The following ZFAND3 variants were observed in gnomAD, a reference collection of about 807,000 sequenced individuals.
ZFAND3 encodes AN1-type zinc finger protein 3.
Under a neutral mutation model 29.6 loss-of-function variants are expected in ZFAND3, and 10 were observed. The observed-to-expected ratio is 0.34, with a 90% CI of 0.21 to 0.57. The LOEUF (loss-of-function observed/expected upper bound fraction) is 0.57, where lower values mean the gene tolerates loss of function less well. Among genes scored for constraint, ZFAND3 ranks in the 20% least tolerant of loss-of-function variants. The pLI is 0.86. For missense variants in ZFAND3, 230 were observed against 304.5 expected, an observed-to-expected ratio of 0.76 and a Z score of 1.82; for synonymous variants, 128 against 112.6, an observed-to-expected ratio of 1.14 and a Z score of -0.87.
chr6:37,928,797 C>T (rs1472620898), intron 1 of ZFAND3, among the ~76,000 whole-genome samples: 3 of 152,146 alleles, frequency 2.0e-5, no homozygotes, highest in South Asian at 2.1e-4. Context: ...GGATAACAGG[C>T]GTGAGCCACC....
At chr6:37,856,729 T>A (rs1284849695) in intron 1 of ZFAND3, among the ~76,000 whole-genome samples, 1 of 152,138 alleles carries the variant, frequency 6.6e-6, no homozygotes, top group Admixed American at 6.5e-5. Context: ...ATACAATAAT[T>A]TTGTGAGGAT....
chr6:37,844,617 T>C (rs908791436), intron 1 of ZFAND3, among the ~76,000 whole-genome samples: 1 of 151,956 alleles, frequency 6.6e-6, no homozygotes, highest in Non-Finnish European at 1.5e-5. Flanking sequence ...GTGTTTAGGC[T>C]ATTGGTGTGG....
intron 1 of ZFAND3, among the ~76,000 whole-genome samples, chr6:37,838,936 A>C: frequency 6.6e-6 from 1 of 152,198 alleles, no homozygotes; most frequent in Non-Finnish European, 1.5e-5. Flanking sequence ...TCCCACCAGC[A>C]ATGTATGAAG....
chr6:37,970,671 A>C (rs1410829052), intron 2 of ZFAND3, among the ~76,000 whole-genome samples: 1 of 152,232 alleles, frequency 6.6e-6, no homozygotes, highest in Non-Finnish European at 1.5e-5. Context: ...TGGGAGGCCA[A>C]GATGGGTGGA....
At chr6:38,039,197 T>G (rs1581860873) in intron 2 of ZFAND3, among the ~76,000 whole-genome samples, 2 of 152,344 alleles carry the variant, frequency 1.3e-5, no homozygotes, top group South Asian at 4.1e-4. Flanking sequence ...GTATGTCTTA[T>G]TCCTCTTAAA....
chr6:37,820,636 A>G (rs140784315), intron 1 of ZFAND3, among the ~76,000 whole-genome samples: 54 of 152,232 alleles, frequency 3.5e-4, no homozygotes, highest in African/African-American at 1.3e-3. Flanking sequence ...TTCAGGAGAT[A>G]TGTAAAATTT....
chr6:38,147,379 C>G (rs992086032), intron 5 of ZFAND3, among the ~76,000 whole-genome samples: 5 of 152,154 alleles, frequency 3.3e-5, no homozygotes, highest in African/African-American at 1.2e-4. Context: ...TTTTATTTAT[C>G]CATTCATCCC....
chr6:37,897,299 C>A (rs913462730), intron 1 of ZFAND3, among the ~76,000 whole-genome samples: 1 of 152,266 alleles, frequency 6.6e-6, no homozygotes, highest in Non-Finnish European at 1.5e-5. Flanking sequence ...ATAGGCACTT[C>A]TTCATGTCTG....
rs188913366 is a variant in ZFAND3, at chr6:37,962,770, C to T, written c.112+32771C>T. ...CCTGAGCCAGCAAGGGCAACCCTCTCGGGTCCCCTTCCACGCTGTGGAAGC... is the reference window on the plus strand; with the variant it reads ...CCTGAGCCAGCAAGGGCAACCCTCTTGGGTCCCCTTCCACGCTGTGGAAGC... On this transcript the variant is annotated intron_variant, in intron 2 of 5. Coordinates refer to ENST00000287218, the MANE Select transcript of ZFAND3 (RefSeq NM_021943.3). 2.9e-3 allele frequency among the ~76,000 whole-genome samples: 438 copies of T among 152,292 alleles called. 2 individuals are homozygous for T. The highest frequency in any genetic ancestry group is 9.9e-3 in the African/African-American group (410 of 41,554).
At chr6:38,010,621 A>C in intron 2 of ZFAND3, among the ~76,000 whole-genome samples, 1 of 144,582 alleles carries the variant, frequency 6.9e-6, no homozygotes, top group South Asian at 2.2e-4. Flanking sequence ...TTTTTCCGAG[A>C]CAGGATCTTG....
intron 4 of ZFAND3, among the ~76,000 whole-genome samples, chr6:38,097,790 T>C (rs1420020787): frequency 6.6e-6 from 1 of 150,708 alleles, no homozygotes; most frequent in Non-Finnish European, 1.5e-5. Flanking sequence ...CTTGAGGGAG[T>C]GTAGAGGAAA....
chr6:37,885,218 T>G (rs1430860126), intron 1 of ZFAND3, among the ~76,000 whole-genome samples: 1 of 152,156 alleles, frequency 6.6e-6, no homozygotes, highest in Non-Finnish European at 1.5e-5. Flanking sequence ...ATTGTCAAGT[T>G]GAAGGATACT....
At chr6:37,922,519 A>C (rs980315026) in intron 1 of ZFAND3, among the ~76,000 whole-genome samples, 3 of 152,234 alleles carry the variant, frequency 2.0e-5, no homozygotes, top group African/African-American at 7.2e-5. Flanking sequence ...GAAAATAGTC[A>C]TGCATTGCTT....
chr6:38,082,523 T>TG, intron 4 of ZFAND3, 66 bp downstream of exon 4: 2 of 1,467,032 alleles, frequency 1.4e-6, no homozygotes, highest in Non-Finnish European at 1.9e-6. Flanking sequence ...AGCAACTGGT[T>TG]CTAACTTGGT....
rs1397006406 is a variant in ZFAND3 at position 38,144,210 on chromosome 6, T to A, written c.530-8025T>A. On this transcript the variant is annotated intron_variant, in intron 5 of 5. Transcript: ENST00000287218. ...ATATATATATATATATATATATATATAATATATAATATATATATATATTTT... is the reference window on the plus strand; with the variant it reads ...ATATATATATATATATATATATATAAAATATATAATATATATATATATTTT... Among the ~76,000 whole-genome samples, 365 of 37,056 alleles carry A rather than the reference T, an allele frequency of 9.8e-3. 18 individuals carry two copies. The highest frequency in any genetic ancestry group is 0.046 in the African/African-American group (319 of 6,862). The allele number at this position is 37,056 out of a possible 152,430, so 24.3% of individuals were successfully genotyped here. A position where few individuals can be genotyped will look rare whatever the true frequency, so the allele number is the denominator to read the frequency against.
chr6:37,920,749 A>G (rs761643893), intron 1 of ZFAND3, among the ~76,000 whole-genome samples: 46 of 152,206 alleles, frequency 3.0e-4, no homozygotes, highest in Non-Finnish European at 5.9e-4. Flanking sequence ...ATTTGCAGAC[A>G]TGGTCTGAAT....
At chr6:37,937,547 T>C (rs1004508745) in intron 2 of ZFAND3, among the ~76,000 whole-genome samples, 6 of 145,578 alleles carry the variant, frequency 4.1e-5, no homozygotes, top group African/African-American at 1.5e-4. Context: ...TCCAGCTACT[T>C]GGGAGGCTGA....
chr6:37,987,653 C>T (rs1246445006), intron 2 of ZFAND3, among the ~76,000 whole-genome samples: 1 of 152,174 alleles, frequency 6.6e-6, no homozygotes, highest in Non-Finnish European at 1.5e-5. Flanking sequence ...AAATCTTAAC[C>T]CCTGTGTAAG....
At chr6:37,913,534 T>A (rs540974506) in intron 1 of ZFAND3, among the ~76,000 whole-genome samples, 1 of 152,256 alleles carries the variant, frequency 6.6e-6, no homozygotes, top group African/African-American at 2.4e-5. Flanking sequence ...CTGGAACCCC[T>A]CAAAGCCATC....
Sources: gnomAD v4.1 joint callset for allele counts (sites outside exome capture counted in the v4.1 genomes callset) on GRCh38, gnomAD v4.1.1 for gene constraint, MANE v1.5 for transcripts, NCBI Gene and HGNC (gene_info 2026-07-23, HGNC 2026-07-21) for gene names.